The following CMKLR2 variants were observed in gnomAD, a reference collection of about 807,000 sequenced individuals.
CMKLR2 encodes chemerin chemokine-like receptor 2, also known as chemerin-like receptor 2.
In CMKLR2, 18 loss-of-function variants were observed where a neutral mutation model predicts 23.0. The ratio of observed to expected loss-of-function variants is 0.78; its 90% CI spans 0.54 to 1.16. The LOEUF (loss-of-function observed/expected upper bound fraction) is 1.16. Ranked by LOEUF, CMKLR2 falls within the 50% of genes most tolerant of loss-of-function variation. The pLI, the probability that CMKLR2 is intolerant of heterozygous loss-of-function variation, is 0.00. For missense variants in CMKLR2, 401 were observed against 412.7 expected (o/e 0.97, Z 0.25); for synonymous variants, 158 against 158.9 (o/e 0.99, Z 0.05).
At chr2:206,189,591 T>A (rs537884511) in intron 1 of CMKLR2, among the ~76,000 whole-genome samples, 1 of 150,644 alleles carries the variant, frequency 6.6e-6, no homozygotes, top group African/African-American at 2.4e-5. Context: ...GCAAAGATGG[T>A]GCCACTGCAC....
chr2:206,193,725 A>T (rs1688827033), intron 1 of CMKLR2, among the ~76,000 whole-genome samples: 1 of 152,210 alleles, frequency 6.6e-6, no homozygotes, highest in African/African-American at 2.4e-5. Flanking sequence ...GATATTACCC[A>T]TGGTTTAAAT....
At chr2:206,194,582 C>A (rs1407156440) in intron 1 of CMKLR2, among the ~76,000 whole-genome samples, 1 of 150,884 alleles carries the variant, frequency 6.6e-6, no homozygotes, top group East Asian at 2.0e-4. Context: ...CTCAGTCTCC[C>A]AAGTAGCCAC....
intron 1 of CMKLR2, among the ~76,000 whole-genome samples, chr2:206,181,275 G>C (rs193251988): frequency 1.5e-3 from 224 of 152,040 alleles, no homozygotes; most frequent in African/African-American, 5.2e-3. Flanking sequence ...CAGGCTGGCT[G>C]TCTTGATCTC....
intron 1 of CMKLR2, among the ~76,000 whole-genome samples, chr2:206,207,518 G>C (rs1689372610): frequency 6.6e-6 from 1 of 152,008 alleles, no homozygotes; most frequent in Non-Finnish European, 1.5e-5. Context: ...TATGTAAATA[G>C]CACTTAACAC....
upstream of CMKLR2, among the ~76,000 whole-genome samples, chr2:206,215,635 G>C (rs1299628155): frequency 1.3e-5 from 2 of 152,124 alleles, no homozygotes; most frequent in Non-Finnish European, 2.9e-5. Flanking sequence ...ATAAATAAAA[G>C]GAATAATAAA....
At chr2:206,181,951 C>CAAAAAA (rs34520665) in intron 1 of CMKLR2, among the ~76,000 whole-genome samples, 1 of 68,586 alleles carries the variant, frequency 1.5e-5, no homozygotes, top group African/African-American at 6.0e-5. Context: ...AACTCCACCT[C>CAAAAAA]AAAAAAAAAA....
intron 1 of CMKLR2, among the ~76,000 whole-genome samples, chr2:206,180,350 T>C (rs1688370095): frequency 6.6e-6 from 1 of 151,598 alleles, no homozygotes; most frequent in Admixed American, 6.6e-5. Context: ...AGATCTTACA[T>C]TGTGGGTAAG....
chr2:206,210,612 C>T (rs914002711), intron 1 of CMKLR2, among the ~76,000 whole-genome samples: 6 of 152,184 alleles, frequency 3.9e-5, no homozygotes, highest in African/African-American at 1.4e-4. Flanking sequence ...GCATGTGCCA[C>T]CACACTGGGC....
At chr2:206,188,126 GT>G (rs1408925755) in intron 1 of CMKLR2, among the ~76,000 whole-genome samples, 2 of 152,068 alleles carry the variant, frequency 1.3e-5, no homozygotes, top group African/African-American at 4.8e-5. Context: ...TAGAGACAAG[GT>G]TTTGCCACGT....
chr2:206,175,436 A>T lies in CMKLR2; in HGVS notation c.*744T>A, dbSNP rs765739514. Reference sequence around the variant, plus strand: ...TAGCAGGTTATTGTACAAAATTAAAATGAATTTAAGAATACATTTTAACAT... The same window carrying T: ...TAGCAGGTTATTGTACAAAATTAAATTGAATTTAAGAATACATTTTAACAT... On this transcript the variant is annotated 3_prime_UTR_variant, in exon 2 of 2. Coordinates refer to ENST00000621141, the MANE Select transcript of CMKLR2 (RefSeq NM_001389445.1). 3.3e-5 allele frequency: 5 copies of T among 152,226 alleles called. No individual in the cohort carries two copies. Among genetic ancestry groups the T allele is most frequent in the Non-Finnish European group, 7.3e-5 (5 of 68,034 alleles). 9.4% of individuals were successfully genotyped at this position (152,226 alleles called of 1,614,324 possible). A position where few individuals can be genotyped will look rare whatever the true frequency, so the allele number is the denominator to read the frequency against.
At chr2:206,188,890 T>A (rs1688663904) in intron 1 of CMKLR2, among the ~76,000 whole-genome samples, 1 of 152,182 alleles carries the variant, frequency 6.6e-6, no homozygotes, top group Non-Finnish European at 1.5e-5. Flanking sequence ...GAAAGTGTAA[T>A]AATAAACAGT....
chr2:206,176,734 C>A lies in CMKLR2; in HGVS notation c.514G>T (p.Ala172Ser), dbSNP rs1433999001. 6.2e-7 allele frequency: 1 copy of A among 1,614,142 alleles called. No individual in the cohort carries two copies. Among genetic ancestry groups the A allele is most frequent in the East Asian group, 2.2e-5 (1 of 44,890 alleles). Residue 172 changes from alanine to serine, a missense_variant, in exon 2 of 2, where the codon GCC becomes TCC. By Grantham distance (99) the Ala-to-Ser change is moderately conservative (BLOSUM62 1). Coordinates refer to ENST00000621141, the MANE Select transcript of CMKLR2 (RefSeq NM_001389445.1). Reference protein sequence around the residue: ...WLLASLIGGPALYFRDTVEFN... With the variant: ...WLLASLIGGPSLYFRDTVEFN... ...TCCACAGTGTCCCGGAAGTACAGGGCAGGACCGCCAATTAGAGAAGCCAAA... is the reference window on the plus strand; with the variant it reads ...TCCACAGTGTCCCGGAAGTACAGGGAAGGACCGCCAATTAGAGAAGCCAAA...
intron 1 of CMKLR2, among the ~76,000 whole-genome samples, chr2:206,185,090 C>T (rs1280141304): frequency 2.0e-5 from 3 of 152,034 alleles, no homozygotes; most frequent in Non-Finnish European, 2.9e-5. Flanking sequence ...TGGGTTCCAG[C>T]GATTCTCCTG....
intron 1 of CMKLR2, among the ~76,000 whole-genome samples, chr2:206,194,458 C>CTTTTT (rs369564233): frequency 7.8e-6 from 1 of 127,710 alleles, no homozygotes; most frequent in African/African-American, 2.9e-5. Flanking sequence ...TCGTTATGGG[C>CTTTTT]TTTTTTTTTT....
intron 1 of CMKLR2, among the ~76,000 whole-genome samples, chr2:206,207,018 T>G (rs941151445): frequency 6.6e-6 from 1 of 150,688 alleles, no homozygotes; most frequent in African/African-American, 2.4e-5. Context: ...TTCAGCCACT[T>G]CCTTGGACCA....
chr2:206,189,428 A>G (rs1683306995), intron 1 of CMKLR2, among the ~76,000 whole-genome samples: 1 of 152,214 alleles, frequency 6.6e-6, no homozygotes, highest in African/African-American at 2.4e-5. Context: ...TGAGGTCAGG[A>G]GTTCAAGACC....
chr2:206,176,697 T>A lies in CMKLR2; in HGVS notation c.551A>T (p.His184Leu). The part of the protein sequence containing the change: ...YFRDTVEFNN[H>L]TLCYNNFQKH... ...CTGAAAATTGTTATAGCAAAGAGTA[T>A]GATTATTGAACTCCACAGTGTCCCG... Residue 184 changes from histidine to leucine, a missense_variant, in exon 2 of 2, where the codon CAT (histidine) becomes CTT (leucine). Physicochemically the swap from His to Leu is moderately conservative, Grantham distance 99. Coordinates refer to ENST00000621141, the MANE Select transcript of CMKLR2 (RefSeq NM_001389445.1). The A allele has an allele frequency of 1.2e-6, 2 of 1,614,128 alleles. No homozygotes were observed. Among genetic ancestry groups the A allele is most frequent in the Admixed American group, 1.7e-5 (1 of 60,020 alleles).
chr2:206,208,245 C>G (rs1403125366), intron 1 of CMKLR2, among the ~76,000 whole-genome samples: 1 of 152,152 alleles, frequency 6.6e-6, no homozygotes, highest in Non-Finnish European at 1.5e-5. Flanking sequence ...ATCAACAAAA[C>G]TATGTTATGT....
chr2:206,198,320 C>A (rs1020023954), intron 1 of CMKLR2, among the ~76,000 whole-genome samples: 6 of 152,162 alleles, frequency 3.9e-5, no homozygotes, highest in Non-Finnish European at 8.8e-5. Flanking sequence ...AGAGATGGTT[C>A]TAAAATGTAG....
Sources: gnomAD v4.1 joint callset for allele counts (sites outside exome capture counted in the v4.1 genomes callset) on GRCh38, gnomAD v4.1.1 for gene constraint, MANE v1.5 for transcripts, NCBI Gene and HGNC (gene_info 2026-07-23, HGNC 2026-07-21) for gene names.